The following TMPO variants were observed in gnomAD, a reference collection of about 807,000 sequenced individuals.
The protein encoded by TMPO is thymopoietin, also known as LEM domain containing 4.
In TMPO, 22 loss-of-function variants were observed where a neutral mutation model predicts 45.4. The ratio of observed to expected loss-of-function variants is 0.48; its 90% confidence interval spans 0.35 to 0.69. TMPO has a LOEUF of 0.69. Ranked by LOEUF, TMPO falls within the 30% of genes least tolerant of loss-of-function variation. The pLI, the probability that TMPO is intolerant of heterozygous loss-of-function variation, is 0.01. For missense variants in TMPO, 512 were observed against 548.8 expected, an observed-to-expected ratio of 0.93 and a Z score of 0.67; for synonymous variants, 241 against 204.1, an observed-to-expected ratio of 1.18 and a Z score of -1.54.
rs572798790 is a variant in TMPO, at chr12:98,547,964, G to A, written c.*106G>A. 235 of 1,303,306 alleles carry A rather than the reference G, an allele frequency of 1.8e-4. No homozygotes were observed. Among genetic ancestry groups the A allele is most frequent in the African/African-American group, 1.0e-3 (68 of 67,398 alleles). The allele number at this position is 1,303,306 out of a possible 1,614,324, so 80.7% of individuals were successfully genotyped here. On this transcript the variant is annotated 3_prime_UTR_variant, in exon 9 of 9. Transcript: ENST00000556029. ...CAAGAACTAAAAATAATGTGATTTC[G>A]CCTCAATAAATGTAGTATTTCATTG...
intron 1 of TMPO, among the ~76,000 whole-genome samples, chr12:98,521,099 A>ATTTTTTTTTTTTTTTTTTTTTTTTTTTT (rs1565804759): frequency 1.1e-5 from 1 of 93,018 alleles, no homozygotes; most frequent in African/African-American, 4.0e-5. Context: ...GTTTATGAGG[A>ATTTTTTTTTTTTTTTTTTTTTTTTTTTT]ATTTTTTTTT....
chr12:98,531,611 A>T, intron 2 of TMPO, 69 bp from the exon 3 acceptor site: 2 of 1,478,994 alleles, frequency 1.4e-6, no homozygotes, highest in Non-Finnish European at 1.9e-6. Context: ...AATGTTGCTG[A>T]AGATAGTGTC....
At chr12:98,546,335 G>T (rs1878227252) in intron 7 of TMPO, 24 bp from the exon 8 acceptor site, 3 of 1,501,810 alleles carry the variant, frequency 2.0e-6, no homozygotes, top group Non-Finnish European at 2.8e-6. Flanking sequence ...ACTTGTGGTT[G>T]TTTGTTTGTC....
At chr12:98,535,008 T>G in intron 3 of TMPO, 1 of 798,466 alleles carries the variant, frequency 1.3e-6, no homozygotes. Context: ...CAAAATTTTA[T>G]TAATAGCTAA....
At chr12:98,531,238 T>A (rs1877169703) in intron 2 of TMPO, among the ~76,000 whole-genome samples, 1 of 146,300 alleles carries the variant, frequency 6.8e-6, no homozygotes, top group South Asian at 2.2e-4. Context: ...CCACGTCCTT[T>A]TTTTTTTTTT....
intron 3 of TMPO, among the ~76,000 whole-genome samples, chr12:98,536,602 C>T (rs192229324): frequency 1.1e-3 from 165 of 152,244 alleles, no homozygotes; most frequent in Non-Finnish European, 1.8e-3. Flanking sequence ...CCGCCCACCT[C>T]GGCCTTCCAA....
intron 7 of TMPO, 44 bp from the exon 8 acceptor site, chr12:98,546,315 C>G: frequency 7.5e-7 from 1 of 1,331,196 alleles, no homozygotes; most frequent in Non-Finnish European, 1.1e-6. Context: ...CATGTTTACA[C>G]TAAATTTTAA....
intron 6 of TMPO, 68 bp downstream of exon 6, chr12:98,544,605 G>A: frequency 7.6e-7 from 1 of 1,315,234 alleles, no homozygotes; most frequent in East Asian, 2.4e-5. Context: ...GAAATGGGGA[G>A]GTGGTGAATT....
At chr12:98,529,408 AT>A (rs1367968025) in intron 2 of TMPO, among the ~76,000 whole-genome samples, 1 of 152,058 alleles carries the variant, frequency 6.6e-6, no homozygotes, top group African/African-American at 2.4e-5. Flanking sequence ...CTTGATTGGA[AT>A]TGAGGAATTA....
At chr12:98,537,745 G>A (rs952976403) in intron 4 of TMPO, 173 bp downstream of exon 4, 1 of 690,298 alleles carries the variant, frequency 1.4e-6, no homozygotes, top group Admixed American at 2.3e-5. Flanking sequence ...CAGTAGTGTA[G>A]CCTGTGATTA....
chr12:98,531,703 A>G lies in TMPO; in HGVS notation c.430A>G (p.Lys144Glu), dbSNP rs1260732308. ...AGGAACAACCAGGAAGCTATATGAGAAAAAGCTTTTGAAACTGAGGGAACA... is the reference window on the plus strand; with the variant it reads ...AGGAACAACCAGGAAGCTATATGAGGAAAAGCTTTTGAAACTGAGGGAACA... ...IVGTTRKLYE[K>E]KLLKLREQGT... is the part of the protein sequence containing the mutation. The change falls in exon 3 of 9, where the codon AAA (lysine) becomes GAA (glutamate). Residue 144 changes from lysine (K) to glutamate (E), a missense_variant. Physicochemically the swap from Lys to Glu is moderately conservative, Grantham distance 56. Around this residue, in one of 3 missense-constraint regions of TMPO, gnomAD observed 299 missense variants for 296.7 expected, o/e 1.01. Coordinates refer to ENST00000556029, the MANE Select transcript of TMPO (RefSeq NM_001032283.3). The G allele has an allele frequency of 6.2e-7, 1 of 1,612,932 alleles. No individual in the cohort carries two copies. The highest frequency in any genetic ancestry group is 1.7e-5 in the Admixed American group (1 of 60,018).
At chr12:98,544,201 G>T in intron 4 of TMPO, 29 bp from the exon 5 acceptor site, 2 of 1,612,236 alleles carry the variant, frequency 1.2e-6, no homozygotes, top group South Asian at 2.2e-5. Flanking sequence ...GTTAGAATAT[G>T]ACTTTTTAAT....
At chr12:98,516,427 C>G in intron 1 of TMPO, 3 of 1,168,390 alleles carry the variant, frequency 2.6e-6, no homozygotes, top group Non-Finnish European at 3.2e-6. Flanking sequence ...ACGCCGCTTC[C>G]CTGGACCACC....
chr12:98,520,280 T>TCCTTCCTTCCTTCCTTCCTTCCTC (rs1876236099), intron 1 of TMPO, among the ~76,000 whole-genome samples: 1 of 144,838 alleles, frequency 6.9e-6, no homozygotes, highest in Non-Finnish European at 1.5e-5. Flanking sequence ...TTCCCTTCCT[T>TCCTTCCTTCCTTCCTTCCTTCCTC]CCTTCCTTCC....
intron 1 of TMPO, among the ~76,000 whole-genome samples, chr12:98,520,908 C>T (rs890602648): frequency 1.3e-5 from 2 of 151,846 alleles, no homozygotes; most frequent in Admixed American, 6.6e-5. Context: ...TTATAATCTT[C>T]TGCATAATGG....
intron 3 of TMPO, among the ~76,000 whole-genome samples, chr12:98,536,012 G>T (rs1383970106): frequency 1.3e-5 from 2 of 152,174 alleles, no homozygotes; most frequent in African/African-American, 2.4e-5. Context: ...TACATTGACA[G>T]ATCCATTGAT....
chr12:98,544,737 T>C (rs1335345936), intron 6 of TMPO, 200 bp downstream of exon 6: 1 of 646,924 alleles, frequency 1.5e-6, no homozygotes, highest in African/African-American at 1.8e-5. Context: ...ATCTAATTCA[T>C]TGTACAAGAA....
At chr12:98,533,553 G>A in intron 3 of TMPO, 1 of 1,614,152 alleles carries the variant, frequency 6.2e-7, no homozygotes, top group Non-Finnish European at 8.5e-7. Context: ...TCCCTAGACT[G>A]AGTGAGAAGT....
At chr12:98,527,343 A>C (rs578001052) in intron 1 of TMPO, among the ~76,000 whole-genome samples, 94 of 149,140 alleles carry the variant, frequency 6.3e-4, no homozygotes, top group South Asian at 5.7e-3. Context: ...TACAAAAAAA[A>C]AAAAAAACAA....
Sources: allele counts gnomAD v4.1 joint callset (sites outside exome capture counted in the v4.1 genomes callset), GRCh38; gene constraint gnomAD v4.1.1; regional missense constraint gnomAD v4.1.1; transcripts MANE v1.5; gene names NCBI Gene and HGNC (gene_info 2026-07-23, HGNC 2026-07-21).